SEMA3E: variants seen among roughly 807,000 people sequenced by gnomAD.
The protein encoded by SEMA3E is semaphorin-3E.
A neutral mutation model predicts 93.6 loss-of-function variants in SEMA3E; 49 were observed. That is an observed-to-expected ratio of 0.52 (90% CI 0.42 to 0.66). SEMA3E has a LOEUF of 0.66. Ranked by LOEUF, SEMA3E falls within the 30% of genes least tolerant of loss-of-function variation. SEMA3E has a pLI of 0.00. For missense variants in SEMA3E, 906 were observed against 964.8 expected, an observed-to-expected ratio of 0.94 and a Z score of 0.81; for synonymous variants, 363 against 330.7, an observed-to-expected ratio of 1.10 and a Z score of -1.06.
intron 1 of SEMA3E, among the ~76,000 whole-genome samples, chr7:83,581,990 T>A (rs1374310201): frequency 6.6e-6 from 1 of 151,908 alleles, no homozygotes; most frequent in African/African-American, 2.4e-5. Flanking sequence ...AGAAATAGAA[T>A]TACACTTCTA....
At chr7:83,531,268 G>C (rs28607337) in intron 1 of SEMA3E, among the ~76,000 whole-genome samples, 78,290 of 146,442 alleles carry the variant, frequency 0.53, 22,909 homozygotes, top group Middle Eastern at 0.71. Context: ...GAGTAAACAA[G>C]TTGGGAAAAT....
chr7:83,622,304 G>A (rs1793578184), intron 1 of SEMA3E, among the ~76,000 whole-genome samples: 1 of 152,066 alleles, frequency 6.6e-6, no homozygotes, highest in Admixed American at 6.5e-5. Context: ...CCGTCAGAAT[G>A]GTGATTATTA....
chr7:83,622,702 C>G (rs1406994093), intron 1 of SEMA3E, among the ~76,000 whole-genome samples: 2 of 152,134 alleles, frequency 1.3e-5, no homozygotes, highest in African/African-American at 4.8e-5. Context: ...GAGCTGGAAG[C>G]CATTATCCTC....
chr7:83,610,270 T>C (rs561162933), intron 1 of SEMA3E, among the ~76,000 whole-genome samples: 25 of 152,210 alleles, frequency 1.6e-4, no homozygotes, highest in African/African-American at 5.5e-4. Flanking sequence ...ATAATGAATA[T>C]ACAGCACTTG....
At position 83,648,630 on chromosome 7, in the gene SEMA3E, G is replaced by T. The variant is rs1434583166; in HGVS notation, c.-88C>A. ...GGACTTCCCTCCAGGGGCAGCGTGC[G>T]AGAGGCTTTGTCAGAAATCGAACGC... On this transcript the variant is annotated 5_prime_UTR_variant, in exon 1 of 17. Coordinates refer to ENST00000643230, the MANE Select transcript of SEMA3E (RefSeq NM_012431.3). 3.2e-6 allele frequency: 3 copies of T among 940,032 alleles called. No homozygotes were observed. Among genetic ancestry groups the T allele is most frequent in the African/African-American group, 1.6e-5 (1 of 61,342 alleles). The allele number at this position is 940,032 out of a possible 1,614,324, so 58.2% of individuals were successfully genotyped here.
chr7:83,403,428 A>T (rs1788267823), intron 9 of SEMA3E, among the ~76,000 whole-genome samples: 2 of 151,964 alleles, frequency 1.3e-5, no homozygotes, highest in Admixed American at 1.3e-4. Context: ...AAAGCAAAAA[A>T]ATTTTCTTGA....
At chr7:83,421,432 A>G (rs1288308406) in intron 4 of SEMA3E, among the ~76,000 whole-genome samples, 1 of 142,210 alleles carries the variant, frequency 7.0e-6, no homozygotes, top group Non-Finnish European at 1.6e-5. Flanking sequence ...CAAAATTCTC[A>G]TTAAAGGTTG....
intron 1 of SEMA3E, among the ~76,000 whole-genome samples, chr7:83,543,706 A>T (rs1172330707): frequency 1.3e-5 from 2 of 152,058 alleles, no homozygotes; most frequent in South Asian, 2.1e-4. Context: ...GAAATTGATT[A>T]AATATGGCTC....
Position 83,407,087 on chromosome 7 carries a change from A to C in SEMA3E, c.813+10T>G, listed in dbSNP as rs1788343975. The C allele has an allele frequency of 6.2e-7, 1 of 1,613,272 alleles. No homozygotes were observed. The highest frequency in any genetic ancestry group is 8.5e-7 in the Non-Finnish European group (1 of 1,179,676). The stretch of plus-strand genomic sequence containing the variant: ...GAGATAAGCAAGCATAATGAGAGAG[A>C]AAGCCTCACCACACAGAGTCGCCCG... On this transcript the variant is annotated intron_variant, in intron 7 of 16. Transcript: ENST00000643230.
At chr7:83,551,137 A>G (rs1162790036) in intron 1 of SEMA3E, among the ~76,000 whole-genome samples, 1 of 152,146 alleles carries the variant, frequency 6.6e-6, no homozygotes, top group Admixed American at 6.5e-5. Flanking sequence ...ACATTCATCC[A>G]TATACCCTAT....
chr7:83,632,236 TG>T (rs987953252), intron 1 of SEMA3E, among the ~76,000 whole-genome samples: 2 of 151,840 alleles, frequency 1.3e-5, no homozygotes, highest in Non-Finnish European at 2.9e-5. Context: ...GTATAAATTC[TG>T]GTGCTCCATT....
chr7:83,464,954 C>T (rs973719233), intron 4 of SEMA3E, among the ~76,000 whole-genome samples: 39 of 151,636 alleles, frequency 2.6e-4, no homozygotes, highest in Non-Finnish European at 5.0e-4. Context: ...CCTCTGAGCC[C>T]AAGCCAAGCC....
chr7:83,578,151 A>AAG, intron 1 of SEMA3E, among the ~76,000 whole-genome samples: 1 of 152,086 alleles, frequency 6.6e-6, no homozygotes, highest in Non-Finnish European at 1.5e-5. Flanking sequence ...TCTCATTAAA[A>AAG]AAAAACAGGA....
intron 1 of SEMA3E, among the ~76,000 whole-genome samples, chr7:83,541,960 A>T (rs1791543848): frequency 6.6e-6 from 1 of 152,086 alleles, no homozygotes; most frequent in Admixed American, 6.6e-5. Context: ...AGGTGGGAAG[A>T]GTCTGACATA....
intron 4 of SEMA3E, among the ~76,000 whole-genome samples, chr7:83,446,220 C>T (rs138035945): frequency 5.1e-4 from 78 of 152,274 alleles, no homozygotes; most frequent in South Asian, 1.5e-3. Context: ...TCCCATCCAC[C>T]CTCCAGAATA....
At chr7:83,580,612 A>T (rs533289976) in intron 1 of SEMA3E, among the ~76,000 whole-genome samples, 1 of 152,038 alleles carries the variant, frequency 6.6e-6, no homozygotes, top group Non-Finnish European at 1.5e-5. Context: ...GCTAATTCCA[A>T]CTCATCAAGC....
At position 83,425,289 on chromosome 7, in the gene SEMA3E, C is replaced by T. The variant is rs371483582; in HGVS notation, c.457-6806G>A. ...ACTAGAAACACAGCAATAAACAAAG[C>T]CCCAAACTATTGTTCTATTTTCTTC... On this transcript the variant is annotated intron_variant, in intron 4 of 16. Transcript: ENST00000643230. Among the ~76,000 whole-genome samples, 11 of 152,214 alleles carry T rather than the reference C, an allele frequency of 7.2e-5. No homozygotes were observed. The East Asian group carries it at 9.7e-4, about 13-fold the overall frequency.
chr7:83,488,355 G>A (rs1326687105), intron 2 of SEMA3E, among the ~76,000 whole-genome samples: 3 of 152,042 alleles, frequency 2.0e-5, no homozygotes, highest in African/African-American at 7.2e-5. Flanking sequence ...AAAGAGAGAT[G>A]CTAAGAGAAA....
chr7:83,387,106 A>G, intron 14 of SEMA3E, 56 bp from the exon 15 acceptor site: 1 of 1,427,274 alleles, frequency 7.0e-7, no homozygotes, highest in Non-Finnish European at 9.8e-7. Flanking sequence ...CAGACTTTAA[A>G]ATGCAGCCAA....
Sources: gnomAD v4.1 joint callset for allele counts (sites outside exome capture counted in the v4.1 genomes callset) on GRCh38, gnomAD v4.1.1 for gene constraint, MANE v1.5 for transcripts, NCBI Gene and HGNC (gene_info 2026-07-23, HGNC 2026-07-21) for gene names.